The following KCNK9 variants were observed in gnomAD, a reference collection of about 807,000 sequenced individuals.
The protein encoded by KCNK9 is potassium two pore domain channel subfamily K member 9.
Under a neutral mutation model 10.8 loss-of-function variants are expected in KCNK9, and 1 was observed. That is an observed-to-expected ratio of 0.09 (90% CI 0.03 to 0.44). The LOEUF is 0.44. Among genes scored for constraint, KCNK9 ranks in the 20% least tolerant of loss-of-function variants. The probability of loss-of-function intolerance (pLI) is 0.97; values close to 1 mark genes in which losing one functional copy is unlikely to be tolerated. For synonymous variants in KCNK9, 231 were observed against 222.7 expected (o/e 1.04, Z -0.33); for missense variants, 303 against 515.0 (o/e 0.59, Z 3.98).
chr8:139,661,421 C>T (rs1216583749), intron 1 of KCNK9, among the ~76,000 whole-genome samples: 1 of 152,192 alleles, frequency 6.6e-6, no homozygotes, highest in Non-Finnish European at 1.5e-5. Flanking sequence ...GGGCTCTTCC[C>T]ATCCCAGCTG....
intron 1 of KCNK9, among the ~76,000 whole-genome samples, chr8:139,641,002 G>A (rs1056324881): frequency 2.0e-5 from 3 of 152,204 alleles, no homozygotes; most frequent in Non-Finnish European, 4.4e-5. Flanking sequence ...GTGTGTTTCA[G>A]TTTTATTGGT....
intron 1 of KCNK9, among the ~76,000 whole-genome samples, chr8:139,691,132 G>T (rs973521742): frequency 6.6e-6 from 1 of 152,162 alleles, no homozygotes; most frequent in Non-Finnish European, 1.5e-5. Context: ...GAGCCAGTCG[G>T]CTGGGTCAGA....
At chr8:139,673,461 C>A (rs940780093) in intron 1 of KCNK9, among the ~76,000 whole-genome samples, 1 of 152,180 alleles carries the variant, frequency 6.6e-6, no homozygotes, top group African/African-American at 2.4e-5. Context: ...TGGCTGGGAG[C>A]TGGTGAGCAG....
chr8:139,617,912 C>T lies in KCNK9; in HGVS notation c.*346G>A, dbSNP rs954899407. 2 of 342,564 alleles carry T rather than the reference C, an allele frequency of 5.8e-6. No individual in the cohort carries two copies. Among genetic ancestry groups the T allele is most frequent in the African/African-American group, 2.1e-5 (1 of 46,828 alleles). 21.2% of individuals were successfully genotyped at this position (342,564 alleles called of 1,614,324 possible). A position where few individuals can be genotyped will look rare whatever the true frequency, so the allele number is the denominator to read the frequency against. On this transcript the variant is annotated 3_prime_UTR_variant, in exon 2 of 2. Transcript: ENST00000520439. ...GTGGGTATCCTCTCAGCTCTGTCTC[C>T]GTGGTCTTGGTCTCACATCTGTCCC... is the stretch of plus-strand genomic sequence containing the variant.
chr8:139,635,698 G>T lies in KCNK9; in HGVS notation c.284-16599C>A, dbSNP rs1386894873. 2.0e-5 allele frequency among the ~76,000 whole-genome samples: 3 copies of T among 152,044 alleles called. No individual in the cohort carries two copies. In the East Asian group the frequency reaches 5.8e-4, roughly 29 times the overall value. ...TTTGCTGATCATAGGAATAATACTT[G>T]CTCACTGAAGAGAATCACAAAAGAA... On this transcript the variant is annotated intron_variant, in intron 1 of 1. Transcript: ENST00000520439.
At chr8:139,616,923 C>G (rs1814610298), downstream of KCNK9, 1 of 152,184 alleles carries the variant, frequency 6.6e-6, no homozygotes, top group African/African-American at 2.4e-5. Context: ...CCACCTCCCC[C>G]AAGAGGATAG....
At chr8:139,615,897 G>C (rs1426811237), downstream of KCNK9, 2 of 152,022 alleles carry the variant, frequency 1.3e-5, no homozygotes, top group African/African-American at 4.8e-5. Context: ...CTGTATGCAG[G>C]GTGGTCTCAG....
intron 1 of KCNK9, among the ~76,000 whole-genome samples, chr8:139,684,307 A>G (rs1016514144): frequency 1.9e-4 from 29 of 152,240 alleles, no homozygotes; most frequent in Admixed American, 1.9e-3. Context: ...GATAGCAGTT[A>G]TAACATTTGA....
intron 1 of KCNK9, among the ~76,000 whole-genome samples, chr8:139,632,439 A>C (rs1815202240): frequency 6.6e-6 from 1 of 152,204 alleles, no homozygotes; most frequent in Admixed American, 6.5e-5. Flanking sequence ...CTCAGGAAGC[A>C]ACAGAAGCAG....
chr8:139,674,945 C>T (rs1304170163), intron 1 of KCNK9, among the ~76,000 whole-genome samples: 1 of 152,158 alleles, frequency 6.6e-6, no homozygotes, highest in Non-Finnish European at 1.5e-5. Context: ...CCTCTCCCTA[C>T]CCCTCTTAGC....
At chr8:139,648,027 C>A (rs962018090) in intron 1 of KCNK9, among the ~76,000 whole-genome samples, 23 of 152,196 alleles carry the variant, frequency 1.5e-4, no homozygotes, top group Admixed American at 8.5e-4. Context: ...GTGGAAAAAA[C>A]CCATCTCCTT....
chr8:139,622,258 C>T (rs562039197), intron 1 of KCNK9, among the ~76,000 whole-genome samples: 1 of 152,304 alleles, frequency 6.6e-6, no homozygotes, highest in East Asian at 1.9e-4. Context: ...TCCCAGTGGT[C>T]TGGGGAACAG....
At chr8:139,630,078 G>A (rs942626640) in intron 1 of KCNK9, among the ~76,000 whole-genome samples, 20 of 151,854 alleles carry the variant, frequency 1.3e-4, no homozygotes, top group African/African-American at 4.8e-4. Flanking sequence ...GGCGTGGGGG[G>A]CGGCGCGAAA....
rs1420709377 is a variant in KCNK9, at chr8:139,693,764, C to A, written c.283+8946G>T. On this transcript the variant is annotated intron_variant, in intron 1 of 1. Coordinates refer to ENST00000520439, the MANE Select transcript of KCNK9 (RefSeq NM_001282534.2). The surrounding 1 kb of genome is among the most constrained non-coding windows in gnomAD (Gnocchi z 4.1). ...CGGGGCTGGAGGATGAAAAGGGCTGCAAGCTGAGGACCTGGGTCTGATTCT... is the reference window on the plus strand; with the variant it reads ...CGGGGCTGGAGGATGAAAAGGGCTGAAAGCTGAGGACCTGGGTCTGATTCT... Among the ~76,000 whole-genome samples the A allele has an allele frequency of 1.3e-5, 2 of 152,080 alleles. No homozygotes were observed. The highest frequency in any genetic ancestry group is 2.9e-5 in the Non-Finnish European group (2 of 68,002).
chr8:139,638,172 C>G (rs1246595545), intron 1 of KCNK9, among the ~76,000 whole-genome samples: 1 of 151,952 alleles, frequency 6.6e-6, no homozygotes, highest in East Asian at 1.9e-4. Context: ...ATTCATCCTT[C>G]AAAACTCAAC....
intron 1 of KCNK9, among the ~76,000 whole-genome samples, chr8:139,685,897 C>T (rs931404284): frequency 6.6e-6 from 1 of 152,190 alleles, no homozygotes; most frequent in African/African-American, 2.4e-5. Flanking sequence ...ACACTCCCAC[C>T]AACAGTATGA....
chr8:139,663,834 T>C (rs1214441811), intron 1 of KCNK9, among the ~76,000 whole-genome samples: 1 of 152,154 alleles, frequency 6.6e-6, no homozygotes, highest in Non-Finnish European at 1.5e-5. Context: ...TAGCAAACGA[T>C]TGCTGTCGCT....
intron 1 of KCNK9, among the ~76,000 whole-genome samples, chr8:139,637,648 T>C (rs1372477607): frequency 6.6e-6 from 1 of 152,098 alleles, no homozygotes; most frequent in Non-Finnish European, 1.5e-5. Context: ...ACAAAGTTTG[T>C]TATGCAAAAA....
At chr8:139,627,821 T>C (rs991133355) in intron 1 of KCNK9, among the ~76,000 whole-genome samples, 7 of 152,326 alleles carry the variant, frequency 4.6e-5, no homozygotes, top group Non-Finnish European at 7.3e-5. Context: ...ACCTCTGATA[T>C]GTATGTCCTG....
Sources: allele counts gnomAD v4.1 joint callset (sites outside exome capture counted in the v4.1 genomes callset), GRCh38; gene constraint gnomAD v4.1.1; non-coding constraint Gnocchi (gnomAD v3.1); transcripts MANE v1.5; gene names NCBI Gene and HGNC (gene_info 2026-07-23, HGNC 2026-07-21).